Variants in RBFOX1 observed in about 807,000 individuals in gnomAD.
RBFOX1 encodes RNA binding protein fox-1 homolog 1.
RBFOX1 carries 8 observed loss-of-function variants against 57.7 expected under a neutral mutation model. The ratio of observed to expected loss-of-function variants is 0.14; its 90% CI spans 0.08 to 0.25. The LOEUF (loss-of-function observed/expected upper bound fraction) is 0.25. RBFOX1 is among the 10% of genes least tolerant of loss of function. The pLI is 1.00. For synonymous variants in RBFOX1, 326 were observed against 222.4 expected (o/e 1.47, Z -4.15); for missense variants, 611 against 548.5 (o/e 1.11, Z -1.14).
intron 3 of RBFOX1, among the ~76,000 whole-genome samples, chr16:6,953,672 C>G (rs1056135694): frequency 6.6e-6 from 1 of 152,152 alleles, no homozygotes; most frequent in Non-Finnish European, 1.5e-5. Flanking sequence ...TGGGCATGAG[C>G]CACAGTGCCC....
intron 5 of RBFOX1, among the ~76,000 whole-genome samples, chr16:7,538,037 G>C (rs1285589973): frequency 6.6e-6 from 1 of 152,186 alleles, no homozygotes; most frequent in Non-Finnish European, 1.5e-5. Flanking sequence ...TCTGTGCCCG[G>C]AAAGAGTGAG....
At chr16:7,482,208 T>G (rs2064139782) in intron 4 of RBFOX1, among the ~76,000 whole-genome samples, 1 of 152,232 alleles carries the variant, frequency 6.6e-6, no homozygotes, top group South Asian at 2.1e-4. Flanking sequence ...TGCAGAACGC[T>G]GGGCACAGTG....
In RBFOX1 at chr16:6,623,808, T is replaced by C. The variant is rs571330553; in HGVS notation, c.-63-30795T>C. Among the ~76,000 whole-genome samples the C allele has an allele frequency of 2.2e-3, 337 of 152,304 alleles. 1 individual carries two copies. The highest frequency in any genetic ancestry group is 7.8e-3 in the African/African-American group (324 of 41,560). On this transcript the variant is annotated intron_variant, in intron 2 of 15. Transcript: ENST00000550418. ...TTTATGGCTGCATAGTATTCTATGGTGTATATGTGCCACATTTTCTTAATC... is the reference window on the plus strand; with the variant it reads ...TTTATGGCTGCATAGTATTCTATGGCGTATATGTGCCACATTTTCTTAATC...
At chr16:7,582,224 A>G (rs2093827043) in intron 6 of RBFOX1, among the ~76,000 whole-genome samples, 1 of 152,174 alleles carries the variant, frequency 6.6e-6, no homozygotes, top group Admixed American at 6.5e-5. Context: ...ACAAGATGTC[A>G]ATTTGGCAAG....
intron 4 of RBFOX1, among the ~76,000 whole-genome samples, chr16:7,057,126 A>C (rs1275488929): frequency 2.0e-5 from 3 of 152,190 alleles, no homozygotes; most frequent in Non-Finnish European, 2.9e-5. Context: ...TCCTCCTAGA[A>C]ATACCAGGCA....
intron 2 of RBFOX1, among the ~76,000 whole-genome samples, chr16:6,555,590 C>G (rs946358255): frequency 6.6e-6 from 1 of 152,046 alleles, no homozygotes; most frequent in African/African-American, 2.4e-5. Context: ...GTCCCAGCTA[C>G]TCAGGAGGCT....
intron 4 of RBFOX1, among the ~76,000 whole-genome samples, chr16:7,295,804 C>T (rs1363753948): frequency 6.6e-6 from 1 of 152,140 alleles, no homozygotes; most frequent in Non-Finnish European, 1.5e-5. Flanking sequence ...AGGGCTGAGT[C>T]ATTGAGGAAC....
chr16:6,856,778 T>G (rs1271029129), intron 3 of RBFOX1, among the ~76,000 whole-genome samples: 1 of 152,142 alleles, frequency 6.6e-6, no homozygotes, highest in Non-Finnish European at 1.5e-5. Context: ...ACTCAAGCAC[T>G]AAGGAGATGT....
At position 7,090,759 on chromosome 16, in the gene RBFOX1, G is replaced by C. The variant is rs13334417; in HGVS notation, c.27+38661G>C. 3.2e-3 allele frequency among the ~76,000 whole-genome samples: 482 copies of C among 152,256 alleles called. 3 individuals are homozygous for C. The highest frequency in any genetic ancestry group is 0.011 in the African/African-American group (462 of 41,548). ...TTCACCAAACTTGGCCACGGTAGGAGGGGGAAACAGCCTTCCCTACGGACT... is the reference window on the plus strand; with the variant it reads ...TTCACCAAACTTGGCCACGGTAGGACGGGGAAACAGCCTTCCCTACGGACT... On this transcript the variant is annotated intron_variant, in intron 4 of 15. Transcript: ENST00000550418.
chr16:5,282,153 T>C (rs2063287719), intron 1 of RBFOX1, among the ~76,000 whole-genome samples: 1 of 151,922 alleles, frequency 6.6e-6, no homozygotes, highest in African/African-American at 2.4e-5. Flanking sequence ...AAGGAGGAGT[T>C]TCCCTGCTCA....
At chr16:7,441,679 C>CA (rs949137010) in intron 4 of RBFOX1, among the ~76,000 whole-genome samples, 10 of 152,204 alleles carry the variant, frequency 6.6e-5, no homozygotes, top group East Asian at 1.9e-4. Flanking sequence ...TGGCTTCTTG[C>CA]AAAAAAATCA....
intron 2 of RBFOX1, among the ~76,000 whole-genome samples, chr16:5,542,272 A>G (rs1374627649): frequency 7.2e-6 from 1 of 139,030 alleles, no homozygotes; most frequent in African/African-American, 2.7e-5. Context: ...TTTTTGAGAC[A>G]GAGTCTTCCT....
intron 4 of RBFOX1, among the ~76,000 whole-genome samples, chr16:5,958,652 G>C (rs1221718798): frequency 2.6e-5 from 4 of 152,210 alleles, no homozygotes; most frequent in African/African-American, 9.6e-5. Flanking sequence ...AAACAGCACA[G>C]ACTTATTCTC....
chr16:6,926,663 C>T (rs1242127493), intron 3 of RBFOX1, among the ~76,000 whole-genome samples: 1 of 152,084 alleles, frequency 6.6e-6, no homozygotes, highest in African/African-American at 2.4e-5. Flanking sequence ...GCTGAGTAAA[C>T]ATATGTGCAT....
intron 4 of RBFOX1, among the ~76,000 whole-genome samples, chr16:7,481,485 G>T (rs369565414): frequency 6.6e-6 from 1 of 152,186 alleles, no homozygotes; most frequent in African/African-American, 2.4e-5. Context: ...CTCTTTTGGT[G>T]AGTTAGCAAG....
intron 3 of RBFOX1, among the ~76,000 whole-genome samples, chr16:6,986,336 T>C (rs992782009): frequency 1.3e-5 from 2 of 152,076 alleles, no homozygotes; most frequent in African/African-American, 4.8e-5. Context: ...GTAGCTGGGA[T>C]TGCAGGCGTC....
intron 4 of RBFOX1, among the ~76,000 whole-genome samples, chr16:7,353,791 T>G (rs1433362977): frequency 6.6e-6 from 1 of 152,170 alleles, no homozygotes; most frequent in Non-Finnish European, 1.5e-5. Flanking sequence ...TAATGATTGC[T>G]AAGGGCTGAG....
chr16:5,346,887 A>G (rs954741931), intron 1 of RBFOX1, among the ~76,000 whole-genome samples: 1 of 152,204 alleles, frequency 6.6e-6, no homozygotes, highest in Non-Finnish European at 1.5e-5. Context: ...TGGGGCTTAA[A>G]TAACTGACGT....
chr16:7,333,229 A>G (rs2096724767), intron 4 of RBFOX1: 1 of 716,216 alleles, frequency 1.4e-6, no homozygotes, highest in Admixed American at 2.5e-5. Flanking sequence ...GTAGGAAATC[A>G]AAAAGATGGA....
Sources: gnomAD v4.1 joint callset for allele counts (sites outside exome capture counted in the v4.1 genomes callset) on GRCh38, gnomAD v4.1.1 for gene constraint, MANE v1.5 for transcripts, NCBI Gene and HGNC (gene_info 2026-07-23, HGNC 2026-07-21) for gene names.